Variants in KCTD8 observed in about 807,000 individuals in gnomAD.
KCTD8 encodes BTB/POZ domain-containing protein KCTD8.
KCTD8 carries 27 observed loss-of-function variants against 31.5 expected under a neutral mutation model. That is an observed-to-expected ratio of 0.86 (90% CI 0.63 to 1.18). The LOEUF is 1.18. Among genes scored for constraint, KCTD8 ranks in the 50% most tolerant of loss-of-function variants. The probability of loss-of-function intolerance (pLI) is 0.00; values close to 1 mark genes in which losing one functional copy is unlikely to be tolerated. For missense variants in KCTD8, 658 were observed against 647.7 expected (o/e 1.02, Z -0.17); for synonymous variants, 290 against 280.0 (o/e 1.04, Z -0.36).
At chr4:44,198,522 G>T (rs1297926669) in intron 1 of KCTD8, among the ~76,000 whole-genome samples, 1 of 152,084 alleles carries the variant, frequency 6.6e-6, no homozygotes, top group East Asian at 1.9e-4. Flanking sequence ...TCAAAGAAAA[G>T]AAATTCCAAC....
chr4:44,198,702 A>G (rs1161793887), intron 1 of KCTD8, among the ~76,000 whole-genome samples: 1 of 152,174 alleles, frequency 6.6e-6, no homozygotes. Flanking sequence ...TACCACAAAA[A>G]CACACTAAGG....
chr4:44,262,807 G>A (rs1716221143), intron 1 of KCTD8, among the ~76,000 whole-genome samples: 1 of 152,120 alleles, frequency 6.6e-6, no homozygotes, highest in South Asian at 2.1e-4. Flanking sequence ...AATGAAACAT[G>A]GCCCAGAAAT....
At chr4:44,270,383 G>T (rs562977256) in intron 1 of KCTD8, among the ~76,000 whole-genome samples, 100 of 123,154 alleles carry the variant, frequency 8.1e-4, no homozygotes, top group Non-Finnish European at 1.3e-3. Context: ...ATACTCTGGG[G>T]ACTGTTGTGG....
chr4:44,376,463 A>C (rs1020258561), intron 1 of KCTD8, among the ~76,000 whole-genome samples: 3 of 152,178 alleles, frequency 2.0e-5, no homozygotes, highest in African/African-American at 7.2e-5. Flanking sequence ...ATGCACTTTG[A>C]ACCTGAGGGA....
At chr4:44,238,930 T>G (rs1715368122) in intron 1 of KCTD8, among the ~76,000 whole-genome samples, 1 of 152,208 alleles carries the variant, frequency 6.6e-6, no homozygotes, top group South Asian at 2.1e-4. Context: ...ATAATAGTTT[T>G]TATTTATAAA....
intron 1 of KCTD8, among the ~76,000 whole-genome samples, chr4:44,367,786 A>G (rs1246637193): frequency 1.3e-5 from 2 of 152,054 alleles, no homozygotes; most frequent in Non-Finnish European, 2.9e-5. Flanking sequence ...AAATGACACT[A>G]CAGAAACCAT....
intron 1 of KCTD8, among the ~76,000 whole-genome samples, chr4:44,266,700 T>A (rs1293867631): frequency 1.3e-5 from 2 of 151,342 alleles, no homozygotes; most frequent in East Asian, 1.9e-4. Flanking sequence ...TGGAGGAAGA[T>A]CTACCAAGCA....
chr4:44,347,525 T>C (rs2109422490), intron 1 of KCTD8, among the ~76,000 whole-genome samples: 1 of 152,322 alleles, frequency 6.6e-6, no homozygotes, highest in Admixed American at 6.5e-5. Context: ...AAGAAATCCC[T>C]CGGTTTGCTC....
chr4:44,422,395 A>G (rs1221304302), intron 1 of KCTD8, among the ~76,000 whole-genome samples: 1 of 152,080 alleles, frequency 6.6e-6, no homozygotes, highest in Non-Finnish European at 1.5e-5. Context: ...CAGAACTAAC[A>G]TCCATAGCCA....
At chr4:44,256,950 CA>C (rs1274813474) in intron 1 of KCTD8, among the ~76,000 whole-genome samples, 2 of 151,944 alleles carry the variant, frequency 1.3e-5, no homozygotes. Flanking sequence ...TATGACCTAA[CA>C]GTTTCTTTTT....
Position 44,307,246 on chromosome 4 carries a change from G to A in KCTD8, c.962-131996C>T, listed in dbSNP as rs1049453070. Reference sequence around the variant, plus strand: ...CAGAAGGGCTATTTTCAGAAAAACTGAAGAGGCCTTCCAAGTCTATGTTCA... The same window carrying A: ...CAGAAGGGCTATTTTCAGAAAAACTAAAGAGGCCTTCCAAGTCTATGTTCA... On this transcript the variant is annotated intron_variant, in intron 1 of 1. Transcript: ENST00000360029. 7.9e-5 allele frequency among the ~76,000 whole-genome samples: 12 copies of A among 152,062 alleles called. No homozygotes were observed. In the East Asian group the frequency reaches 2.1e-3, roughly 27 times the overall value.
rs368312051 is a variant in KCTD8 at position 44,359,276 on chromosome 4, T to C, written c.961+88287A>G. Among the ~76,000 whole-genome samples the C allele has an allele frequency of 1.4e-3, 208 of 152,214 alleles. 2 individuals are homozygous for C. In the South Asian group the frequency reaches 0.026, roughly 19 times the overall value. ...GAATGGTATTGCCCAGGTTTTCTTCTAGGGTTTTTTTTTTAACACTGTTGC... is the reference window on the plus strand; with the variant it reads ...GAATGGTATTGCCCAGGTTTTCTTCCAGGGTTTTTTTTTTAACACTGTTGC... On this transcript the variant is annotated intron_variant, in intron 1 of 1. Transcript: ENST00000360029.
intron 1 of KCTD8, among the ~76,000 whole-genome samples, chr4:44,405,241 T>TTTTG (rs113965031): frequency 0.45 from 66,731 of 149,220 alleles, 15,342 homozygotes; most frequent in African/African-American, 0.51. Flanking sequence ...AGCCAGGTGT[T>TTTTG]TTTGTTTGTT....
At chr4:44,231,520 A>G (rs1004951520) in intron 1 of KCTD8, among the ~76,000 whole-genome samples, 3 of 152,120 alleles carry the variant, frequency 2.0e-5, no homozygotes, top group African/African-American at 7.2e-5. Flanking sequence ...TCTTCATCCT[A>G]TTTTCTCAAA....
chr4:44,298,059 C>T (rs1229937718), intron 1 of KCTD8, among the ~76,000 whole-genome samples: 1 of 152,126 alleles, frequency 6.6e-6, no homozygotes, highest in Non-Finnish European at 1.5e-5. Flanking sequence ...ACAAGAAGCA[C>T]AGTATCTGAT....
chr4:44,261,913 T>A (rs1326081785), intron 1 of KCTD8, among the ~76,000 whole-genome samples: 1 of 152,078 alleles, frequency 6.6e-6, no homozygotes, highest in Non-Finnish European at 1.5e-5. Flanking sequence ...ATATATATAA[T>A]TTTTAGTTGT....
chr4:44,260,312 G>C (rs1716123729), intron 1 of KCTD8, among the ~76,000 whole-genome samples: 1 of 151,836 alleles, frequency 6.6e-6, no homozygotes, highest in Admixed American at 6.6e-5. Flanking sequence ...TATGTGAACT[G>C]ATCACCTACT....
chr4:44,299,319 C>T (rs1294745296), intron 1 of KCTD8, among the ~76,000 whole-genome samples: 1 of 152,154 alleles, frequency 6.6e-6, no homozygotes, highest in Non-Finnish European at 1.5e-5. Context: ...TTTTTCTACC[C>T]ACCCACCAAG....
chr4:44,218,351 C>G (rs1014994495), intron 1 of KCTD8, among the ~76,000 whole-genome samples: 2 of 151,190 alleles, frequency 1.3e-5, no homozygotes, highest in African/African-American at 2.4e-5. Context: ...CCAGGCTGGT[C>G]TCGAACTCCT....
Sources: allele counts gnomAD v4.1 joint callset (sites outside exome capture counted in the v4.1 genomes callset), GRCh38; gene constraint gnomAD v4.1.1; transcripts MANE v1.5; gene names NCBI Gene and HGNC (gene_info 2026-07-23, HGNC 2026-07-21).